FIGN: variants seen among roughly 807,000 people sequenced by gnomAD.
FIGN encodes the protein fidgetin.
In FIGN, 11 loss-of-function variants were observed where a neutral mutation model predicts 51.3. That is an observed-to-expected ratio of 0.21 (90% CI 0.13 to 0.35). The LOEUF is 0.35. FIGN is among the 10% of genes least tolerant of loss of function. The probability of loss-of-function intolerance (pLI) is 1.00; values close to 1 mark genes in which losing one functional copy is unlikely to be tolerated. For missense variants in FIGN, 857 were observed against 943.6 expected (o/e 0.91, Z 1.20); for synonymous variants, 407 against 363.2 (o/e 1.12, Z -1.37).
At chr2:163,727,366 G>A (rs530795728) in intron 2 of FIGN, among the ~76,000 whole-genome samples, 121 of 140,534 alleles carry the variant, frequency 8.6e-4, no homozygotes, top group Non-Finnish European at 1.3e-3. Flanking sequence ...AATATTTCAA[G>A]TTTGCAATGG....
At chr2:163,720,789 C>T (rs1278405153) in intron 2 of FIGN, among the ~76,000 whole-genome samples, 3 of 152,210 alleles carry the variant, frequency 2.0e-5, no homozygotes, top group East Asian at 1.9e-4. Context: ...TAAACACACA[C>T]ACACACACGT....
chr2:163,666,229 G>A (rs1307239266), intron 2 of FIGN, among the ~76,000 whole-genome samples: 1 of 152,196 alleles, frequency 6.6e-6, no homozygotes, highest in Non-Finnish European at 1.5e-5. Flanking sequence ...GTCACTAGGG[G>A]TGTCACCAAC....
chr2:163,667,792 T>C (rs1156450010), intron 2 of FIGN, among the ~76,000 whole-genome samples: 1 of 152,242 alleles, frequency 6.6e-6, no homozygotes, highest in Non-Finnish European at 1.5e-5. Flanking sequence ...CACACTGTGC[T>C]GTAACTGTTT....
chr2:163,652,405 A>C (rs942278612), intron 2 of FIGN, among the ~76,000 whole-genome samples: 11 of 151,254 alleles, frequency 7.3e-5, no homozygotes, highest in Admixed American at 2.6e-4. Context: ...CTAAATAAAA[A>C]TGTTAAGAAT....
At chr2:163,722,446 A>C (rs1684772835) in intron 2 of FIGN, among the ~76,000 whole-genome samples, 1 of 152,184 alleles carries the variant, frequency 6.6e-6, no homozygotes. Context: ...ACCAACTGTC[A>C]ATCAACTCTA....
At chr2:163,721,059 G>A (rs728700) in intron 2 of FIGN, among the ~76,000 whole-genome samples, 13,152 of 152,044 alleles carry the variant, frequency 0.087, 703 homozygotes, top group Admixed American at 0.12. Flanking sequence ...ATTAACCACT[G>A]ACTTTTAACC....
At chr2:163,715,355 C>T (rs971618845) in intron 2 of FIGN, among the ~76,000 whole-genome samples, 8 of 152,140 alleles carry the variant, frequency 5.3e-5, no homozygotes, top group East Asian at 1.9e-4. Flanking sequence ...TGGGGAGATT[C>T]GGGATTTTGA....
At chr2:163,633,111 G>T (rs1683172919) in intron 2 of FIGN, among the ~76,000 whole-genome samples, 3 of 152,044 alleles carry the variant, frequency 2.0e-5, no homozygotes, top group Admixed American at 2.0e-4. Context: ...TTGAGCCTGG[G>T]AACTGGAGGC....
chr2:163,607,968 A>T lies in FIGN; in HGVS notation c.*1584T>A, dbSNP rs1691146737. On this transcript the variant is annotated 3_prime_UTR_variant, in exon 3 of 3. Coordinates refer to ENST00000333129, the MANE Select transcript of FIGN (RefSeq NM_018086.4). ...GAAAAATGCCACTTATGCCATGGGTAGGGGTGGGGCTGGTAGACTGAGGTG... is the reference window on the plus strand; with the variant it reads ...GAAAAATGCCACTTATGCCATGGGTTGGGGTGGGGCTGGTAGACTGAGGTG... The T allele has an allele frequency of 6.6e-6, 1 of 152,650 alleles. No homozygotes were observed. The highest frequency in any genetic ancestry group is 2.4e-5 in the African/African-American group (1 of 41,450). 9.5% of individuals were successfully genotyped at this position (152,650 alleles called of 1,614,324 possible).
chr2:163,629,810 T>C (rs944723277), intron 2 of FIGN, among the ~76,000 whole-genome samples: 38 of 151,348 alleles, frequency 2.5e-4, no homozygotes, highest in Admixed American at 2.4e-3. Flanking sequence ...AAAGAAATAG[T>C]GGAAAGGGAT....
chr2:163,693,248 G>GGT (rs1251414842), intron 2 of FIGN, among the ~76,000 whole-genome samples: 31 of 152,018 alleles, frequency 2.0e-4, no homozygotes, highest in African/African-American at 6.3e-4. Context: ...GTGTACCTGT[G>GGT]GTGTGTGTGT....
At chr2:163,701,122 T>TA (rs1171625866) in intron 2 of FIGN, among the ~76,000 whole-genome samples, 3 of 151,946 alleles carry the variant, frequency 2.0e-5, no homozygotes, top group Non-Finnish European at 2.9e-5. Flanking sequence ...ATGTAATGGT[T>TA]AAAAAAAATA....
intron 2 of FIGN, among the ~76,000 whole-genome samples, chr2:163,707,748 G>A (rs1244662346): frequency 6.6e-6 from 1 of 152,026 alleles, no homozygotes; most frequent in Non-Finnish European, 1.5e-5. Context: ...GAAACTATCT[G>A]TGAAAAGAGG....
At chr2:163,633,566 T>A (rs896510616) in intron 2 of FIGN, among the ~76,000 whole-genome samples, 1 of 152,188 alleles carries the variant, frequency 6.6e-6, no homozygotes, top group Non-Finnish European at 1.5e-5. Context: ...ATTTCCAGGT[T>A]TCTTTCCAAC....
intron 2 of FIGN, among the ~76,000 whole-genome samples, chr2:163,626,837 G>C (rs1358459800): frequency 6.6e-6 from 1 of 152,142 alleles, no homozygotes; most frequent in African/African-American, 2.4e-5. Flanking sequence ...AACCGAGATA[G>C]TGACGAAAGT....
intron 2 of FIGN, 74 bp downstream of exon 2, chr2:163,734,829 A>C: frequency 7.0e-7 from 1 of 1,429,624 alleles, no homozygotes; most frequent in Non-Finnish European, 9.6e-7. Context: ...GGCAGTCTTC[A>C]ATGGTTTTAT....
In FIGN at chr2:163,611,174, G is replaced by A; in HGVS notation, c.658C>T (p.Leu220=). Residue 220 remains leucine, a synonymous_variant, in exon 3 of 3, where the codon CTA becomes TTA. Coordinates refer to ENST00000333129, the MANE Select transcript of FIGN (RefSeq NM_018086.4). ...GGAGGAGGTGGTGGTGGGGGCTGTA[G>A]TAGCCCAGAGCTATGCAAAGGAGAC... The part of the protein sequence containing the change: ...HPSPLHSSGL[L]QPPPPPPPPP... The A allele has an allele frequency of 6.2e-7, 1 of 1,614,164 alleles. No individual in the cohort carries two copies. The highest frequency in any genetic ancestry group is 8.5e-7 in the Non-Finnish European group (1 of 1,180,026).
chr2:163,722,765 C>T (rs1269890911), intron 2 of FIGN, among the ~76,000 whole-genome samples: 1 of 151,840 alleles, frequency 6.6e-6, no homozygotes, highest in East Asian at 1.9e-4. Context: ...GTTATAAAGT[C>T]TTTCTTTGGT....
chr2:163,631,004 T>C (rs981807222), intron 2 of FIGN, among the ~76,000 whole-genome samples: 2 of 152,204 alleles, frequency 1.3e-5, no homozygotes, highest in Non-Finnish European at 1.5e-5. Flanking sequence ...ATTCTTCCTG[T>C]GGTATAGCTT....
Sources: gnomAD v4.1 joint callset for allele counts (sites outside exome capture counted in the v4.1 genomes callset) on GRCh38, gnomAD v4.1.1 for gene constraint, MANE v1.5 for transcripts, NCBI Gene and HGNC (gene_info 2026-07-23, HGNC 2026-07-21) for gene names.